Variants in DLGAP2 observed in about 807,000 individuals in gnomAD.
DLGAP2 encodes DLG associated protein 2.
Under a neutral mutation model 100.3 loss-of-function variants are expected in DLGAP2, and 26 were observed. The ratio of observed to expected loss-of-function variants is 0.26; its 90% confidence interval spans 0.19 to 0.36. DLGAP2 has a LOEUF of 0.36. DLGAP2 is among the 10% of genes least tolerant of loss of function. The pLI, the probability that DLGAP2 is intolerant of heterozygous loss-of-function variation, is 1.00. For missense variants in DLGAP2, 1,858 were observed against 1,453.2 expected, an observed-to-expected ratio of 1.28 and a Z score of -4.53; for synonymous variants, 886 against 630.1, an observed-to-expected ratio of 1.41 and a Z score of -6.08.
intron 3 of DLGAP2, among the ~76,000 whole-genome samples, chr8:1,311,825 A>C (rs1222494216): frequency 6.6e-6 from 1 of 152,236 alleles, no homozygotes; most frequent in African/African-American, 2.4e-5. Context: ...GCAATAATAG[A>C]GGGAATAAAT....
chr8:1,616,644 A>G (rs1056436007), intron 6 of DLGAP2, among the ~76,000 whole-genome samples: 2 of 152,246 alleles, frequency 1.3e-5, no homozygotes, highest in African/African-American at 4.8e-5. Context: ...CAGCAAAAAT[A>G]TCTTTTAAAA....
intron 2 of DLGAP2, among the ~76,000 whole-genome samples, chr8:1,154,723 C>T (rs1163627109): frequency 2.6e-5 from 4 of 152,116 alleles, no homozygotes; most frequent in Non-Finnish European, 4.4e-5. Context: ...CCTTTTCTCC[C>T]GGAGTCGGTC....
chr8:866,084 G>A (rs1797489169), intron 1 of DLGAP2, among the ~76,000 whole-genome samples: 1 of 152,192 alleles, frequency 6.6e-6, no homozygotes, highest in African/African-American at 2.4e-5. Context: ...GAGCCATGGT[G>A]CTTATTGGTT....
At chr8:806,416 C>G (rs1349769438) in intron 1 of DLGAP2, among the ~76,000 whole-genome samples, 1 of 152,222 alleles carries the variant, frequency 6.6e-6, no homozygotes, top group Non-Finnish European at 1.5e-5. Flanking sequence ...CGTCTCTGGA[C>G]TGGTCACCGC....
chr8:1,232,411 C>G (rs1798555551), intron 2 of DLGAP2, among the ~76,000 whole-genome samples: 1 of 152,202 alleles, frequency 6.6e-6, no homozygotes, highest in Non-Finnish European at 1.5e-5. Flanking sequence ...TGCCCCATCC[C>G]TTTCTCCAGC....
intron 2 of DLGAP2, among the ~76,000 whole-genome samples, chr8:1,144,341 G>A (rs1328021378): frequency 6.6e-6 from 1 of 152,220 alleles, no homozygotes; most frequent in Non-Finnish European, 1.5e-5. Flanking sequence ...TATGGGCCAG[G>A]GAGGCCACGT....
At chr8:1,265,137 G>C (rs1799426342) in intron 3 of DLGAP2, among the ~76,000 whole-genome samples, 1 of 152,102 alleles carries the variant, frequency 6.6e-6, no homozygotes, top group African/African-American at 2.4e-5. Context: ...GATACAACAG[G>C]AGAATGAACA....
chr8:917,908 G>C (rs925495970), intron 2 of DLGAP2, among the ~76,000 whole-genome samples: 1 of 152,132 alleles, frequency 6.6e-6, no homozygotes, highest in African/African-American at 2.4e-5. Context: ...AGGTAAAGTT[G>C]ATCAAAATGA....
intron 2 of DLGAP2, among the ~76,000 whole-genome samples, chr8:1,021,576 CA>C (rs1360284121): frequency 1.3e-5 from 2 of 152,170 alleles, no homozygotes; most frequent in African/African-American, 4.8e-5. Flanking sequence ...TGATCTCAGG[CA>C]GTCAGAGTCC....
chr8:742,270 A>G (rs978396200), intron 1 of DLGAP2, among the ~76,000 whole-genome samples: 1 of 152,220 alleles, frequency 6.6e-6, no homozygotes, highest in African/African-American at 2.4e-5. Context: ...ATTTAAATCA[A>G]CCATTTTAAA....
intron 3 of DLGAP2, among the ~76,000 whole-genome samples, chr8:1,390,805 C>T (rs946671458): frequency 6.6e-6 from 1 of 152,166 alleles, no homozygotes; most frequent in African/African-American, 2.4e-5. Context: ...AGTCTCTTAT[C>T]CACAGAGCGA....
intron 2 of DLGAP2, among the ~76,000 whole-genome samples, chr8:1,150,411 G>A (rs1796676858): frequency 6.6e-6 from 1 of 152,154 alleles, no homozygotes. Context: ...GTTTTTAAAA[G>A]TTTTACCCTG....
At chr8:1,255,038 A>AGCCGCTGTGTGTGTGTCTTCTCCTGCCCG (rs1799155229) in intron 2 of DLGAP2, among the ~76,000 whole-genome samples, 1 of 99,552 alleles carries the variant, frequency 1.0e-5, no homozygotes, top group African/African-American at 5.5e-5. Flanking sequence ...TCTCCTGCCC[A>AGCCGCTGTGTGTGTGTCTTCTCCTGCCCG]GCCGCTGTGT....
intron 1 of DLGAP2, among the ~76,000 whole-genome samples, chr8:904,720 G>C (rs961001749): frequency 6.6e-6 from 1 of 152,162 alleles, no homozygotes; most frequent in African/African-American, 2.4e-5. Flanking sequence ...CAGACACCTC[G>C]GGGTGACCGC....
intron 3 of DLGAP2, among the ~76,000 whole-genome samples, chr8:1,463,584 C>A (rs1029134049): frequency 2.0e-5 from 3 of 152,242 alleles, no homozygotes; most frequent in Non-Finnish European, 4.4e-5. Context: ...TTGAGGGGTC[C>A]AGTGGTTTAA....
rs1352323769 is a variant in DLGAP2 at position 1,040,388 on chromosome 8, AGCTCGGTGTGCGTGGTCG to A, written c.73+132445_73+132462del. 3.8e-4 allele frequency among the ~76,000 whole-genome samples: 35 copies of A among 93,274 alleles called. 1 individual carries two copies. The highest frequency in any genetic ancestry group is 1.3e-3 in the African/African-American group (32 of 24,166). The allele number at this position is 93,274 out of a possible 152,430, so 61.2% of individuals were successfully genotyped here. ...CGTGGTCAGCTTGGTTTCCGTGGTC[AGCTCGGTGTGCGTGGTCG>A]GCTCGGTGTGCGTGGTCGGCTCAAT... On this transcript the variant is annotated intron_variant, in intron 2 of 14. Transcript: ENST00000637795.
At chr8:1,570,544 A>T (rs1802612267) in intron 6 of DLGAP2, among the ~76,000 whole-genome samples, 1 of 152,270 alleles carries the variant, frequency 6.6e-6, no homozygotes, top group Non-Finnish European at 1.5e-5. Context: ...GAGAAGGCTC[A>T]GTTGGATTTC....
chr8:943,042 G>C (rs546762069), intron 2 of DLGAP2, among the ~76,000 whole-genome samples: 1 of 152,204 alleles, frequency 6.6e-6, no homozygotes, highest in African/African-American at 2.4e-5. Flanking sequence ...TTGAGCTTGC[G>C]TGACTGACCA....
At chr8:988,831 C>A (rs1326297440) in intron 2 of DLGAP2, among the ~76,000 whole-genome samples, 1 of 152,188 alleles carries the variant, frequency 6.6e-6, no homozygotes, top group African/African-American at 2.4e-5. Flanking sequence ...TGCATCATTT[C>A]CAAGCTCCAC....
Sources: gnomAD v4.1 joint callset for allele counts (sites outside exome capture counted in the v4.1 genomes callset) on GRCh38, gnomAD v4.1.1 for gene constraint, MANE v1.5 for transcripts, NCBI Gene and HGNC (gene_info 2026-07-23, HGNC 2026-07-21) for gene names.